The following ZFTRAF1 variants were observed in gnomAD, a reference collection of about 807,000 sequenced individuals.
ZFTRAF1 encodes the protein zinc finger TRAF-type and ring finger containing 1.
chr8:144,461,591 A>G, the ZFTRAF1 span, among the ~76,000 whole-genome samples: 1 of 152,192 alleles, frequency 6.6e-6, no homozygotes, highest in Non-Finnish European at 1.5e-5. Context: ...TGAGGTGGGC[A>G]GGAGCCTAGC....
At chr8:144,460,490 G>A in the ZFTRAF1 span, among the ~76,000 whole-genome samples, 1 of 152,252 alleles carries the variant, frequency 6.6e-6, no homozygotes, top group African/African-American at 2.4e-5. Flanking sequence ...TCCAGCTACA[G>A]CTCCAGCCCA....
chr8:144,460,921 G>C, the ZFTRAF1 span, among the ~76,000 whole-genome samples: 1 of 152,194 alleles, frequency 6.6e-6, no homozygotes, highest in African/African-American at 2.4e-5. Context: ...GAGGATCGAA[G>C]GTTGTGAGCC....
the ZFTRAF1 span, chr8:144,450,450 C>A: frequency 1.4e-6 from 1 of 718,188 alleles, no homozygotes; most frequent in South Asian, 1.5e-5. Flanking sequence ...TTGCACTCCA[C>A]GGAGTCAATG....
the ZFTRAF1 span, chr8:144,452,492 C>A: frequency 6.5e-7 from 1 of 1,546,048 alleles, no homozygotes. Context: ...GGTGGGCGCA[C>A]GCAGCCTCGT....
the ZFTRAF1 span, chr8:144,452,104 C>T: frequency 2.2e-4 from 121 of 538,410 alleles, no homozygotes; most frequent in South Asian, 9.5e-4. Flanking sequence ...GCCAGGGTGG[C>T]GAGGACAGGT....
chr8:144,461,959 T>C, the ZFTRAF1 span, among the ~76,000 whole-genome samples: 726 of 151,458 alleles, frequency 4.8e-3, 4 homozygotes, highest in African/African-American at 0.016. Context: ...GTTGGGAGAG[T>C]GTTCAGGGGA....
At chr8:144,456,685 TGGGAAATTGACATCACATG>T in the ZFTRAF1 span, 1 of 150,448 alleles carries the variant, frequency 6.6e-6, no homozygotes, top group African/African-American at 2.5e-5. Flanking sequence ...GGTGACATCG[TGGGAAATTGACATCACATG>T]GGGAATGACA....
chr8:144,459,604 G>A, the ZFTRAF1 span, among the ~76,000 whole-genome samples: 3 of 152,180 alleles, frequency 2.0e-5, no homozygotes, highest in Admixed American at 6.5e-5. Context: ...GGCACCACCC[G>A]AGGCTTCCCT....
the ZFTRAF1 span, chr8:144,462,821 C>G: frequency 6.6e-6 from 1 of 152,324 alleles, no homozygotes; most frequent in African/African-American, 2.4e-5. Context: ...CCACAGCCGC[C>G]GCGGCCACCG....
chr8:144,455,619 T>G, the ZFTRAF1 span: 2 of 152,330 alleles, frequency 1.3e-5, no homozygotes, highest in African/African-American at 4.8e-5. Context: ...CTGGTGAGAC[T>G]GCCGGGGGCC....
At chr8:144,457,966 A>G in the ZFTRAF1 span, 1 of 152,316 alleles carries the variant, frequency 6.6e-6, no homozygotes, top group Non-Finnish European at 1.5e-5. Context: ...TCCCTGTGGC[A>G]CAAACCCCAA....
the ZFTRAF1 span, chr8:144,450,698 A>G: frequency 2.8e-6 from 2 of 717,158 alleles, no homozygotes; most frequent in Non-Finnish European, 5.2e-6. Flanking sequence ...CTGGTTCAGC[A>G]CTGTGAACCT....
At chr8:144,452,084 G>GCACCTTGCATCAGGCTTCACCT in the ZFTRAF1 span, 1 of 502,282 alleles carries the variant, frequency 2.0e-6, no homozygotes, top group Non-Finnish European at 3.7e-6. Flanking sequence ...CACCTTGCAG[G>GCACCTTGCATCAGGCTTCACCT]GATGGTGAAG....
the ZFTRAF1 span, among the ~76,000 whole-genome samples, chr8:144,452,742 G>A: frequency 6.6e-6 from 1 of 152,332 alleles, no homozygotes; most frequent in South Asian, 2.1e-4. Context: ...AGAGAAAGGA[G>A]ACAGGCAGAA....
chr8:144,450,989 G>T, the ZFTRAF1 span: 1 of 559,280 alleles, frequency 1.8e-6, no homozygotes, highest in African/African-American at 1.9e-5. Flanking sequence ...AATCAACATG[G>T]ATTAGCTGGA....
At chr8:144,452,626 A>G in the ZFTRAF1 span, 7 of 1,490,264 alleles carry the variant, frequency 4.7e-6, no homozygotes, top group Non-Finnish European at 6.3e-6. Context: ...AGGCTGCAAC[A>G]AGCTGTCCTC....
At chr8:144,452,612 C>T in the ZFTRAF1 span, 1 of 1,509,798 alleles carries the variant, frequency 6.6e-7, no homozygotes, top group Non-Finnish European at 8.9e-7. Flanking sequence ...GAGCCCCGAA[C>T]AGGAGGCTGC....
At chr8:144,453,152 G>A in the ZFTRAF1 span, 2 of 1,390,170 alleles carry the variant, frequency 1.4e-6, no homozygotes, top group Non-Finnish European at 2.0e-6. Flanking sequence ...ACAGGGCCCT[G>A]CTGCACCAGG....
chr8:144,449,619 C>G, the ZFTRAF1 span: 1 of 152,264 alleles, frequency 6.6e-6, no homozygotes, highest in Non-Finnish European at 1.5e-5. Context: ...GGAGTTTAAT[C>G]TTTTTCCTGG....
Sources: allele counts gnomAD v4.1 joint callset (sites outside exome capture counted in the v4.1 genomes callset), GRCh38; gene constraint gnomAD v4.1.1; transcripts MANE v1.5; gene names NCBI Gene and HGNC (gene_info 2026-07-23, HGNC 2026-07-21).